Variants in SMYD4 observed in about 807,000 individuals in gnomAD.
SMYD4 encodes protein-lysine N-methyltransferase SMYD4.
SMYD4 carries 68 observed loss-of-function variants against 72.8 expected under a neutral mutation model. The ratio of observed to expected loss-of-function variants is 0.93; its 90% confidence interval spans 0.77 to 1.14. The LOEUF (loss-of-function observed/expected upper bound fraction) is 1.14. Ranked by LOEUF, SMYD4 falls within the 50% of genes most tolerant of loss-of-function variation. The pLI, the probability that SMYD4 is intolerant of heterozygous loss-of-function variation, is 0.00. For missense variants in SMYD4, 984 were observed against 1,003.7 expected (o/e 0.98, Z 0.27); for synonymous variants, 407 against 388.6 (o/e 1.05, Z -0.56).
In SMYD4 at chr17:1,804,700, T is replaced by C. The variant is rs1420966966; in HGVS notation, c.295A>G (p.Arg99Gly). 8.7e-6 allele frequency: 14 copies of C among 1,613,236 alleles called. No individual in the cohort carries two copies. Among genetic ancestry groups the C allele is most frequent in the Non-Finnish European group, 1.2e-5 (14 of 1,179,506 alleles). The change falls in exon 4 of 11, where the codon AGG becomes GGG. Residue 99 changes from arginine to glycine, a missense_variant. Physicochemically the swap from Arg to Gly is moderately radical, Grantham distance 125. Coordinates refer to ENST00000305513, the MANE Select transcript of SMYD4 (RefSeq NM_052928.3). ...AGTGACATGTCCTCAGTGTTAGGCCTTGAATGTGACACTCCCTGCAAAACA... is the reference window on the plus strand; with the variant it reads ...AGTGACATGTCCTCAGTGTTAGGCCCTGAATGTGACACTCCCTGCAAAACA... ...VLYSKGVSHS[R>G]PNTEDMSLCH...
rs56261871 is a variant in SMYD4 at position 1,785,439 on chromosome 17, GAAAAAAAA to G, written c.1885-986_1885-979del. 1.6e-5 allele frequency among the ~76,000 whole-genome samples: 2 copies of G among 124,554 alleles called. 1 individual carries two copies. The highest frequency in any genetic ancestry group is 5.9e-5 in the African/African-American group (2 of 33,784). The allele number at this position is 124,554 out of a possible 152,430, so 81.7% of individuals were successfully genotyped here. Reference sequence around the variant, plus strand: ...GAGACTCTGTCTCACAAAAGAAAAAGAAAAAAAAAAAAAAAAGAAAACCAATAGAAAGG... The same window carrying G: ...GAGACTCTGTCTCACAAAAGAAAAAGAAAAAAAAGAAAACCAATAGAAAGG... On this transcript the variant is annotated intron_variant, in intron 7 of 10. Coordinates refer to ENST00000305513, the MANE Select transcript of SMYD4 (RefSeq NM_052928.3).
At chr17:1,806,681 T>A (rs756304257) in intron 3 of SMYD4, among the ~76,000 whole-genome samples, 4 of 152,174 alleles carry the variant, frequency 2.6e-5, no homozygotes, top group Non-Finnish European at 5.9e-5. Flanking sequence ...AGTGGGATGA[T>A]GGGTATCCTC....
At position 1,800,732 on chromosome 17, in the gene SMYD4, A is replaced by T. The variant is rs754482832; in HGVS notation, c.662T>A (p.Leu221Gln). The change falls in exon 5 of 11, where the codon CTG becomes CAG. Residue 221 changes from leucine (L) to glutamine (Q), a missense_variant. Coordinates refer to ENST00000305513, the MANE Select transcript of SMYD4 (RefSeq NM_052928.3). Reference sequence around the variant, plus strand: ...GGAAAGTTGTTCATTCTCCTCCCTCAGCGCTGCATCCTCAAGGGTTTTGGC... The same window carrying T: ...GGAAAGTTGTTCATTCTCCTCCCTCTGCGCTGCATCCTCAAGGGTTTTGGC... ...ALAKTLEDAA[L>Q]REENEQLSNA... 11 of 1,614,226 alleles carry T rather than the reference A, an allele frequency of 6.8e-6. No homozygotes were observed. The East Asian group carries it at 2.5e-4, about 36-fold the overall frequency.
intron 2 of SMYD4, among the ~76,000 whole-genome samples, chr17:1,827,181 T>C (rs1401455797): frequency 6.7e-6 from 1 of 149,172 alleles, no homozygotes; most frequent in Non-Finnish European, 1.5e-5. Flanking sequence ...TAAAAATAAA[T>C]AAATAAATAA....
chr17:1,828,003 T>C lies in SMYD4; in HGVS notation c.-9A>G. On this transcript the variant is annotated 5_prime_UTR_variant, in exon 2 of 11. Coordinates refer to ENST00000305513, the MANE Select transcript of SMYD4 (RefSeq NM_052928.3). ...TCCACAGGCAGATCCATGCTGCTTT[T>C]GATCTATAAAATGAGTAAGAAAATA... The C allele has an allele frequency of 6.2e-7, 1 of 1,602,814 alleles. No homozygotes were observed. Among genetic ancestry groups the C allele is most frequent in the Non-Finnish European group, 8.5e-7 (1 of 1,170,730 alleles).
intron 8 of SMYD4, chr17:1,783,733 CCAA>C (rs749966248): frequency 3.6e-6 from 2 of 553,096 alleles, no homozygotes. Flanking sequence ...CCCAACTCGA[CCAA>C]CTCTACCTTT....
Position 1,794,659 on chromosome 17 carries a change from G to C in SMYD4, c.1537+5198C>G, listed in dbSNP as rs149100165. On this transcript the variant is annotated intron_variant, in intron 5 of 10. Coordinates refer to ENST00000305513, the MANE Select transcript of SMYD4 (RefSeq NM_052928.3). ...AATCCTTTTTGGGGGGCTGTCATCAGTTTCCAGTTGTTTTTCATTTTGTAG... is the reference window on the plus strand; with the variant it reads ...AATCCTTTTTGGGGGGCTGTCATCACTTTCCAGTTGTTTTTCATTTTGTAG... Among the ~76,000 whole-genome samples the C allele has an allele frequency of 2.7e-3, 404 of 151,558 alleles. 5 individuals carry two copies. Among genetic ancestry groups the C allele is most frequent in the African/African-American group, 9.4e-3 (387 of 41,286 alleles).
At chr17:1,794,085 A>ATATATT (rs1567771002) in intron 5 of SMYD4, among the ~76,000 whole-genome samples, 1 of 20,044 alleles carries the variant, frequency 5.0e-5, no homozygotes, top group African/African-American at 2.2e-4. Flanking sequence ...ATATGTGTAT[A>ATATATT]TATATATATA....
chr17:1,807,425 C>G (rs1910098258), intron 3 of SMYD4, among the ~76,000 whole-genome samples: 1 of 151,884 alleles, frequency 6.6e-6, no homozygotes, highest in African/African-American at 2.4e-5. Flanking sequence ...ACCGCCCCCC[C>G]CGGCCCCCAC....
chr17:1,827,353 G>GAAAAAAAAAAAAAAAAAAA (rs529472874), intron 2 of SMYD4, among the ~76,000 whole-genome samples: 1 of 118,948 alleles, frequency 8.4e-6, no homozygotes, highest in South Asian at 2.6e-4. Flanking sequence ...AAGAAAAAAA[G>GAAAAAAAAAAAAAAAAAAA]AAAAAAAAAA....
intron 5 of SMYD4, among the ~76,000 whole-genome samples, chr17:1,794,019 A>ATG (rs1555575666): frequency 1.5e-5 from 1 of 68,280 alleles, no homozygotes; most frequent in Non-Finnish European, 3.2e-5. Flanking sequence ...ATATATATAT[A>ATG]TGTGTGTATA....
chr17:1,798,807 G>A (rs751643086), intron 5 of SMYD4, among the ~76,000 whole-genome samples: 11 of 152,014 alleles, frequency 7.2e-5, no homozygotes, highest in Non-Finnish European at 1.2e-4. Flanking sequence ...GGCTGAGCAT[G>A]AGAATCATTT....
intron 2 of SMYD4, among the ~76,000 whole-genome samples, chr17:1,821,756 C>A (rs1910901427): frequency 6.6e-6 from 1 of 151,982 alleles, no homozygotes; most frequent in African/African-American, 2.4e-5. Flanking sequence ...CATGGTGAAA[C>A]CCCATCTCTA....
chr17:1,779,776 C>G lies in SMYD4; in HGVS notation c.*1510G>C, dbSNP rs560625483. ...AGGAAGCTAGATACTGTAAGTGGAA[C>G]GGTGTGTCTCTGGAGGTAAGCAGGC... On this transcript the variant is annotated 3_prime_UTR_variant, in exon 11 of 11. Transcript: ENST00000305513. The G allele has an allele frequency of 6.6e-6, 1 of 152,550 alleles. No homozygotes were observed. Among genetic ancestry groups the G allele is most frequent in the African/African-American group, 2.4e-5 (1 of 41,458 alleles). The allele number at this position is 152,550 out of a possible 1,614,324, so 9.4% of individuals were successfully genotyped here.
rs777005491 is a variant in SMYD4, at chr17:1,827,892, C to T, written c.103G>A (p.Asp35Asn). ...AGTGAAGAGGAGTGAAGAAAGATAT[C>T]CCTCAAGGTCTCTGCTGTAGAAATT... ...VTISTAETLR[D>N]IFLHSSSLLQ... Residue 35 changes from aspartate (D) to asparagine (N), a missense_variant, in exon 2 of 11, where the codon GAT becomes AAT. Transcript: ENST00000305513. 9 of 1,610,906 alleles carry T rather than the reference C, an allele frequency of 5.6e-6. No individual in the cohort carries two copies. The highest frequency in any genetic ancestry group is 3.3e-5 in the Admixed American group (2 of 59,972).
At position 1,800,486 on chromosome 17, in the gene SMYD4, G is replaced by C; in HGVS notation, c.908C>G (p.Thr303Ser). ...TCCGTCACACGGAACTGTGGCCAAA[G>C]TGTGCTTCAAACATCGGTGACAATA... ...DLYCHRCLKH[T>S]LATVPCDGCS... Residue 303 changes from threonine (T) to serine (S), a missense_variant, in exon 5 of 11, where the codon ACT (threonine) becomes AGT (serine). Thr to Ser is a moderately conservative substitution (Grantham distance 58). Transcript: ENST00000305513. 1 of 1,614,220 alleles carries C rather than the reference G, an allele frequency of 6.2e-7. No individual in the cohort carries two copies. The highest frequency in any genetic ancestry group is 1.3e-5 in the African/African-American group (1 of 75,068).
At chr17:1,789,241 A>T (rs1413999213) in intron 5 of SMYD4, among the ~76,000 whole-genome samples, 1 of 151,794 alleles carries the variant, frequency 6.6e-6, no homozygotes, top group Non-Finnish European at 1.5e-5. Context: ...CACAAAAATT[A>T]GCTGGGCATG....
intron 2 of SMYD4, among the ~76,000 whole-genome samples, chr17:1,815,594 GC>G (rs1910549494): frequency 1.3e-5 from 2 of 149,540 alleles, no homozygotes; most frequent in African/African-American, 4.9e-5. Context: ...GAAGGTCAGG[GC>G]TACAGTGAGC....
At chr17:1,805,946 C>T (rs1199704224) in intron 3 of SMYD4, among the ~76,000 whole-genome samples, 1 of 139,852 alleles carries the variant, frequency 7.2e-6, no homozygotes, top group Non-Finnish European at 1.5e-5. Context: ...TTTTTTGAGA[C>T]GGAGTCTCGC....
Sources: allele counts gnomAD v4.1 joint callset (sites outside exome capture counted in the v4.1 genomes callset), GRCh38; gene constraint gnomAD v4.1.1; transcripts MANE v1.5; gene names NCBI Gene and HGNC (gene_info 2026-07-23, HGNC 2026-07-21).